Variants in KCNK6 observed in about 807,000 individuals in gnomAD.
KCNK6 encodes the protein potassium channel subfamily K member 6.
Under a neutral mutation model 21.9 loss-of-function variants are expected in KCNK6, and 20 were observed. The observed-to-expected ratio is 0.91, with a 90% CI of 0.64 to 1.32. KCNK6 has a LOEUF of 1.32. Ranked by LOEUF, KCNK6 falls within the 40% of genes most tolerant of loss-of-function variation. KCNK6 has a pLI of 0.00. For synonymous variants in KCNK6, 210 were observed against 218.0 expected, an observed-to-expected ratio of 0.96 and a Z score of 0.32; for missense variants, 415 against 433.1, an observed-to-expected ratio of 0.96 and a Z score of 0.37.
intron 1 of KCNK6, among the ~76,000 whole-genome samples, chr19:38,322,263 T>C (rs1411068883): frequency 1.3e-5 from 2 of 152,024 alleles, no homozygotes; most frequent in African/African-American, 2.4e-5. Flanking sequence ...GTGTGTGTTG[T>C]AAAAGAAAAA....
intron 1 of KCNK6, among the ~76,000 whole-genome samples, chr19:38,323,599 A>AG (rs1969676475): frequency 6.6e-6 from 1 of 152,284 alleles, no homozygotes; most frequent in Admixed American, 6.5e-5. Flanking sequence ...CATTTGAGGA[A>AG]GGGATTGTTT....
intron 1 of KCNK6, among the ~76,000 whole-genome samples, chr19:38,321,323 C>G (rs765245651): frequency 6.6e-5 from 10 of 152,198 alleles, no homozygotes; most frequent in Non-Finnish European, 1.3e-4. Context: ...CAACTCTGAC[C>G]CCAGACACAA....
In KCNK6 at chr19:38,326,817, G is replaced by A. The variant is rs1378404905; in HGVS notation, c.547G>A (p.Val183Ile). Reference protein sequence around the residue: ...LVALLGVVVTVCFLVPAVIFA... With the variant: ...LVALLGVVVTICFLVPAVIFA... ...GGCCCTGTTGGGGGTCGTAGTGACC[G>A]TCTGCTTTCTGGTGCCGGCTGTGAT... The change falls in exon 2 of 3, where the codon GTC becomes ATC. Residue 183 changes from valine to isoleucine, a missense_variant. Val to Ile is a conservative substitution (Grantham distance 29). Coordinates refer to ENST00000263372, the MANE Select transcript of KCNK6 (RefSeq NM_004823.3). The A allele has an allele frequency of 1.7e-5, 28 of 1,608,480 alleles. No individual in the cohort carries two copies. The highest frequency in any genetic ancestry group is 8.8e-5 in the South Asian group (8 of 91,096).
chr19:38,327,770 C>A lies in KCNK6; in HGVS notation c.*367C>A. 3.6e-6 allele frequency: 1 copy of A among 276,326 alleles called. No homozygotes were observed. The highest frequency in any genetic ancestry group is 7.1e-6 in the Non-Finnish European group (1 of 141,314). The allele number at this position is 276,326 out of a possible 1,614,324, so 17.1% of individuals were successfully genotyped here. ...CTCTCAATTAACCACTCGTCAACTG[C>A]TGATTCTACTGGGCTGTGGGCTCAG... On this transcript the variant is annotated 3_prime_UTR_variant, in exon 3 of 3. Coordinates refer to ENST00000263372, the MANE Select transcript of KCNK6 (RefSeq NM_004823.3).
rs770937530 is a variant in KCNK6, at chr19:38,327,170, G to A, written c.719-10G>A. 52 of 1,610,070 alleles carry A rather than the reference G, an allele frequency of 3.2e-5. No homozygotes were observed. In the East Asian group the frequency reaches 9.1e-4, roughly 28 times the overall value. On this transcript the variant is annotated splice_polypyrimidine_tract_variant and intron_variant, in intron 2 of 2. Coordinates refer to ENST00000263372, the MANE Select transcript of KCNK6 (RefSeq NM_004823.3). Reference sequence around the variant, plus strand: ...CCAGGATGACCAACGCCCCTTCTCCGCCTTTACAGTCTACCTCTTCCTGGG... The same window carrying A: ...CCAGGATGACCAACGCCCCTTCTCCACCTTTACAGTCTACCTCTTCCTGGG...
Position 38,327,416 on chromosome 19 carries a change from C to G in KCNK6, c.*13C>G. The G allele has an allele frequency of 6.2e-7, 1 of 1,603,268 alleles. No individual in the cohort carries two copies. Among genetic ancestry groups the G allele is most frequent in the Non-Finnish European group, 8.5e-7 (1 of 1,179,384 alleles). ...CATCCCCAGGTAGCTGGGGCAGCCT[C>G]TGCCAGGCTTGGGTGTGCCTGGCCT... On this transcript the variant is annotated 3_prime_UTR_variant, in exon 3 of 3. Coordinates refer to ENST00000263372, the MANE Select transcript of KCNK6 (RefSeq NM_004823.3).
chr19:38,327,487 C>A lies in KCNK6; in HGVS notation c.*84C>A. 8.0e-7 allele frequency: 1 copy of A among 1,251,566 alleles called. No homozygotes were observed. The highest frequency in any genetic ancestry group is 1.1e-6 in the Non-Finnish European group (1 of 894,170). 77.5% of individuals were successfully genotyped at this position (1,251,566 alleles called of 1,614,324 possible). On this transcript the variant is annotated 3_prime_UTR_variant, in exon 3 of 3. Transcript: ENST00000263372. ...ACCAGAGCTGGCTGTACAGGAATGT[C>A]CACGAGCACAGCAGGTGATCTTGAG...
intron 1 of KCNK6, 89 bp from the exon 2 acceptor site, chr19:38,326,504 T>C: frequency 7.0e-7 from 1 of 1,424,668 alleles, no homozygotes; most frequent in South Asian, 1.3e-5. Context: ...TAAGCTATGA[T>C]GGCACCGCTG....
chr19:38,320,207 C>A lies in KCNK6; in HGVS notation c.257C>A (p.Ala86Asp). 1 of 1,603,048 alleles carries A rather than the reference C, an allele frequency of 6.2e-7. No homozygotes were observed. The highest frequency in any genetic ancestry group is 2.2e-5 in the East Asian group (1 of 44,744). Residue 86 changes from alanine to aspartate, a missense_variant, in exon 1 of 3, where the codon GCC becomes GAC. Ala to Asp is a moderately radical substitution (Grantham distance 126). Transcript: ENST00000263372. ...VLANASGSAN[A>D]SDPAWDFASA... is the part of the protein sequence containing the mutation. ...GCTAACGCTTCGGGGTCCGCCAACG[C>A]CTCGGACCCCGCCTGGGACTTCGCC...
rs201891566 is a variant in KCNK6, at chr19:38,326,975, G to C, written c.705G>C (p.Lys235Asn). 1.6e-5 allele frequency: 26 copies of C among 1,601,414 alleles called. No homozygotes were observed. In the African/African-American group the frequency reaches 2.0e-4, roughly 12 times the overall value. The change falls in exon 2 of 3, where the codon AAG becomes AAC. Residue 235 changes from lysine (K) to asparagine (N), a missense_variant. Coordinates refer to ENST00000263372, the MANE Select transcript of KCNK6 (RefSeq NM_004823.3). ...GCCAGCCCTACCGGGCCCTCTACAAGGTGCTGGTCACAGGTGAGCTGGGTG... is the reference window on the plus strand; with the variant it reads ...GCCAGCCCTACCGGGCCCTCTACAACGTGCTGGTCACAGGTGAGCTGGGTG... ...APGQPYRALY[K>N]VLVTVYLFLG...
rs1009583354 is a variant in KCNK6 at position 38,326,670 on chromosome 19, A to G, written c.400A>G (p.Thr134Ala). ...CTTTGCGCTCCTGGGCGTGCCGACC[A>G]CCATGCTGCTGCTGACCGCCTCAGC... is the stretch of plus-strand genomic sequence containing the variant. ...IAFALLGVPT[T>A]MLLLTASAQR... Residue 134 changes from threonine to alanine, a missense_variant, in exon 2 of 3, where the codon ACC becomes GCC. Thr to Ala is a moderately conservative substitution (Grantham distance 58, BLOSUM62 0). Transcript: ENST00000263372. 4.4e-6 allele frequency: 7 copies of G among 1,608,156 alleles called. No homozygotes were observed. The Admixed American group carries it at 5.0e-5, about 11-fold the overall frequency.
At chr19:38,324,913 T>A (rs1489454727) in intron 1 of KCNK6, 1 of 151,844 alleles carries the variant, frequency 6.6e-6, no homozygotes, top group Non-Finnish European at 1.5e-5. Context: ...TTTTCCCAAG[T>A]TTTTTATTAT....
rs1184671681 is a variant in KCNK6, at chr19:38,328,311, C to G, written c.*908C>G. The G allele has an allele frequency of 1.3e-5, 2 of 152,386 alleles. No homozygotes were observed. The highest frequency in any genetic ancestry group is 4.8e-5 in the African/African-American group (2 of 41,430). The allele number at this position is 152,386 out of a possible 1,614,324, so 9.4% of individuals were successfully genotyped here. A position where few individuals can be genotyped will look rare whatever the true frequency, so the allele number is the denominator to read the frequency against. Reference sequence around the variant, plus strand: ...GATAGACTCTTCCTCAGCAGCCTGGCAGGCAGGAAACAGACATAGGACCCC... The same window carrying G: ...GATAGACTCTTCCTCAGCAGCCTGGGAGGCAGGAAACAGACATAGGACCCC... On this transcript the variant is annotated 3_prime_UTR_variant, in exon 3 of 3. Transcript: ENST00000263372.
At chr19:38,323,481 C>A (rs190328352) in intron 1 of KCNK6, among the ~76,000 whole-genome samples, 4 of 152,344 alleles carry the variant, frequency 2.6e-5, no homozygotes, top group African/African-American at 9.6e-5. Context: ...GGTAGTCCTA[C>A]CCGGAACTGG....
rs766092493 is a variant in KCNK6 at position 38,326,623 on chromosome 19, C to T, written c.353C>T (p.Ala118Val). Residue 118 changes from alanine (A) to valine (V), a missense_variant, in exon 2 of 3, where the codon GCG (alanine) becomes GTG (valine). By Grantham distance (64) the Ala-to-Val change is moderately conservative. Transcript: ENST00000263372. ...GGGTACACAACGCCACTGACTGATG[C>T]GGGCAAGGCCTTCTCCATCGCCTTT... ...GYGYTTPLTD[A>V]GKAFSIAFAL... 13 of 1,610,654 alleles carry T rather than the reference C, an allele frequency of 8.1e-6. No homozygotes were observed. The highest frequency in any genetic ancestry group is 5.5e-5 in the South Asian group (5 of 90,944).
chr19:38,327,119 G>A, intron 2 of KCNK6, 61 bp from the exon 3 acceptor site: 5 of 1,589,748 alleles, frequency 3.1e-6, no homozygotes, highest in Non-Finnish European at 4.3e-6. Context: ...CAGTAGAACT[G>A]CGGCCCCGCC....
chr19:38,320,403 A>T, intron 1 of KCNK6, 131 bp downstream of exon 1: 1 of 996,666 alleles, frequency 1.0e-6, no homozygotes, highest in Non-Finnish European at 1.4e-6. Context: ...CCCCGAAAAG[A>T]CCCCAGTGAG....
intron 1 of KCNK6, 150 bp downstream of exon 1, chr19:38,320,422 AC>A: frequency 1.2e-6 from 1 of 833,684 alleles, no homozygotes; most frequent in Non-Finnish European, 1.8e-6. Context: ...AGGACCCGGG[AC>A]CCAGGCTCAT....
Position 38,329,621 on chromosome 19 carries a change from A to C in KCNK6, c.*2218A>C. The C allele has an allele frequency of 6.6e-6, 1 of 152,220 alleles. No individual in the cohort carries two copies. The highest frequency in any genetic ancestry group is 1.9e-4 in the East Asian group (1 of 5,150). 9.4% of individuals were successfully genotyped at this position (152,220 alleles called of 1,614,324 possible). A position where few individuals can be genotyped will look rare whatever the true frequency, so the allele number is the denominator to read the frequency against. On this transcript the variant is annotated 3_prime_UTR_variant, in exon 3 of 3. Coordinates refer to ENST00000263372, the MANE Select transcript of KCNK6 (RefSeq NM_004823.3). ...CACGAGCACCCGTTAGTGTCCTTAA[A>C]TGACCAGCATGGGAACCTGGTCTCT...
Sources: gnomAD v4.1 joint callset for allele counts (sites outside exome capture counted in the v4.1 genomes callset) on GRCh38, gnomAD v4.1.1 for gene constraint, MANE v1.5 for transcripts, NCBI Gene and HGNC (gene_info 2026-07-23, HGNC 2026-07-21) for gene names.